STEEP1: variants seen among roughly 807,000 people sequenced by gnomAD.
The protein encoded by STEEP1 is STING1 ER exit protein 1.
STEEP1 carries 3 observed loss-of-function variants against 19.2 expected under a neutral mutation model. The ratio of observed to expected loss-of-function variants is 0.16; its 90% confidence interval spans 0.07 to 0.40. The LOEUF (loss-of-function observed/expected upper bound fraction) is 0.40, where lower values mean the gene tolerates loss of function less well. Ranked by LOEUF, STEEP1 falls within the 10% of genes least tolerant of loss-of-function variation. The pLI, the probability that STEEP1 is intolerant of heterozygous loss-of-function variation, is 0.99. For missense variants in STEEP1, 54 were observed against 177.1 expected (o/e 0.30, Z 3.94); for synonymous variants, 46 against 63.7 (o/e 0.72, Z 1.32).
intron 2 of STEEP1, among the ~76,000 whole-genome samples, chrX:119,555,536 T>A (rs930988674): frequency 9.0e-6 from 1 of 111,216 alleles, no homozygotes; most frequent in South Asian, 3.7e-4. Context: ...GGCATTGCTA[T>A]AAGTGATGAA....
Position 119,544,345 on chromosome X carries a change from G to A in STEEP1, c.423+8C>T, listed in dbSNP as rs776052173. The stretch of plus-strand genomic sequence containing the variant: ...ATATTAAGCAGTCTCTCCTTCAATG[G>A]TAATTACCTTCTTAGGAGGCTCTTG... On this transcript the variant is annotated splice_region_variant and intron_variant, in intron 4 of 6. Coordinates refer to ENST00000644802, the MANE Select transcript of STEEP1 (RefSeq NM_022101.4). 1 of 1,202,958 alleles carries A rather than the reference G, an allele frequency of 8.3e-7. No homozygotes were observed. Among genetic ancestry groups the A allele is most frequent in the South Asian group, 1.8e-5 (1 of 56,544 alleles).
chrX:119,555,433 C>T (rs2053272581), intron 2 of STEEP1, among the ~76,000 whole-genome samples: 1 of 110,740 alleles, frequency 9.0e-6, no homozygotes, highest in Admixed American at 9.8e-5. Flanking sequence ...GACTCCTCCC[C>T]ACTCAGAGCA....
chrX:119,559,020 C>T (rs751851526), intron 2 of STEEP1, among the ~76,000 whole-genome samples: 2 of 110,504 alleles, frequency 1.8e-5, no homozygotes, highest in Non-Finnish European at 3.8e-5. Context: ...AGTTCGAGAC[C>T]AGCCTGGCCA....
chrX:119,550,688 G>A lies in STEEP1; in HGVS notation c.243-5184C>T, dbSNP rs1171796213. Among the ~76,000 whole-genome samples the A allele has an allele frequency of 2.7e-5, 3 of 111,555 alleles. No individual in the cohort carries two copies. In the Admixed American group the frequency reaches 2.9e-4, roughly 11 times the overall value. On this transcript the variant is annotated intron_variant, in intron 2 of 6. Coordinates refer to ENST00000644802, the MANE Select transcript of STEEP1 (RefSeq NM_022101.4). Reference sequence around the variant, plus strand: ...CTTCTTTTATTTTTGAAACAGATTCGGGCTGTGTCACCCAGTCTGGAGTAC... The same window carrying A: ...CTTCTTTTATTTTTGAAACAGATTCAGGCTGTGTCACCCAGTCTGGAGTAC...
Position 119,565,395 on chromosome X carries a change from G to A in STEEP1, c.-40C>T, listed in dbSNP as rs1370449281. ...ATCTGAAAACTCTACGCCAAGAAGA[G>A]GGTCGCCCCGAAATGACGTCACGAG... is the stretch of plus-strand genomic sequence containing the variant. On this transcript the variant is annotated 5_prime_UTR_variant, in exon 1 of 7. Coordinates refer to ENST00000644802, the MANE Select transcript of STEEP1 (RefSeq NM_022101.4). 1 of 1,079,128 alleles carries A rather than the reference G, an allele frequency of 9.3e-7. No homozygotes were observed. The highest frequency in any genetic ancestry group is 2.3e-5 in the Admixed American group (1 of 43,002). The allele number at this position is 1,079,128 out of a possible 1,213,427, so 88.9% of individuals were successfully genotyped here.
chrX:119,545,431 T>C, intron 3 of STEEP1, 32 bp downstream of exon 3: 1 of 1,044,551 alleles, frequency 9.6e-7, no homozygotes, highest in Non-Finnish European at 1.3e-6. Context: ...TACTTGCCTA[T>C]GCTTGGAGAA....
chrX:119,559,392 T>C (rs747161227), intron 2 of STEEP1, among the ~76,000 whole-genome samples: 1 of 111,313 alleles, frequency 9.0e-6, no homozygotes, highest in South Asian at 3.8e-4. Flanking sequence ...GTTTGATGCT[T>C]TTAATGCTTC....
chrX:119,544,513 C>T (rs771839464), intron 3 of STEEP1, 22 bp from the exon 4 acceptor site: 1 of 1,200,831 alleles, frequency 8.3e-7, no homozygotes, highest in South Asian at 1.8e-5. Context: ...CAGTGAATTT[C>T]TGCGAGGTCT....
intron 6 of STEEP1, 55 bp downstream of exon 6, chrX:119,541,273 G>T: frequency 1.4e-6 from 1 of 712,270 alleles, no homozygotes; most frequent in Non-Finnish European, 2.2e-6. Context: ...AGGTCTTTCA[G>T]ACCAAGACAT....
chrX:119,560,420 T>C (rs1038901279), intron 1 of STEEP1, 35 bp from the exon 2 acceptor site: 3 of 981,294 alleles, frequency 3.1e-6, no homozygotes, highest in Admixed American at 4.5e-5. Flanking sequence ...ACTAGAGTCA[T>C]GGCAAAATAT....
At chrX:119,564,810 G>A (rs2053345958) in intron 1 of STEEP1, among the ~76,000 whole-genome samples, 1 of 111,221 alleles carries the variant, frequency 9.0e-6, no homozygotes, top group Non-Finnish European at 1.9e-5. Flanking sequence ...AACGAAATGG[G>A]GTTATAGCTG....
chrX:119,560,143 C>A (rs2053310977), intron 2 of STEEP1, 125 bp downstream of exon 2: 1 of 500,949 alleles, frequency 2.0e-6, no homozygotes, highest in East Asian at 3.4e-5. Flanking sequence ...AGTTAGAAAA[C>A]CACCACAAAT....
rs773119767 is a variant in STEEP1, at chrX:119,548,435, G to A, written c.243-2931C>T. 2.9e-5 allele frequency among the ~76,000 whole-genome samples: 3 copies of A among 105,166 alleles called. No homozygotes were observed. The South Asian group carries it at 1.3e-3, about 47-fold the overall frequency. The allele number at this position is 105,166 out of a possible 115,157, so 91.3% of individuals were successfully genotyped here. A position where few individuals can be genotyped will look rare whatever the true frequency, so the allele number is the denominator to read the frequency against. Reference sequence around the variant, plus strand: ...TGTAGTCCCAGCTACTAGGGAGGATGAGGCAGGGGAATCACTTGAACCCGG... The same window carrying A: ...TGTAGTCCCAGCTACTAGGGAGGATAAGGCAGGGGAATCACTTGAACCCGG... On this transcript the variant is annotated intron_variant, in intron 2 of 6. Coordinates refer to ENST00000644802, the MANE Select transcript of STEEP1 (RefSeq NM_022101.4).
At chrX:119,561,759 A>G (rs964725024) in intron 1 of STEEP1, among the ~76,000 whole-genome samples, 3 of 112,422 alleles carry the variant, frequency 2.7e-5, no homozygotes, top group African/African-American at 9.7e-5. Context: ...TGGTCAGAGT[A>G]ATTCAAGATG....
At chrX:119,542,055 CTTTTTTTTTTTTTTTTT>C (rs201339708) in intron 5 of STEEP1, among the ~76,000 whole-genome samples, 1 of 82,908 alleles carries the variant, frequency 1.2e-5, no homozygotes, top group Non-Finnish European at 2.3e-5. Context: ...CTTTTCTTTT[CTTTTTTTTTTTTTTTTT>C]TTTTTTTTTT....
rs745457369 is a variant in STEEP1 at position 119,547,286 on chromosome X, G to A, written c.243-1782C>T. On this transcript the variant is annotated intron_variant, in intron 2 of 6. Coordinates refer to ENST00000644802, the MANE Select transcript of STEEP1 (RefSeq NM_022101.4). Reference sequence around the variant, plus strand: ...ATAGATAAACCAAAATGTCTTTTACGTGTTGGACAAATTCCTAGAAGTGTG... The same window carrying A: ...ATAGATAAACCAAAATGTCTTTTACATGTTGGACAAATTCCTAGAAGTGTG... Among the ~76,000 whole-genome samples, 21 of 111,447 alleles carry A rather than the reference G, an allele frequency of 1.9e-4. No individual in the cohort carries two copies. In the South Asian group the frequency reaches 7.4e-3, roughly 39 times the overall value.
intron 2 of STEEP1, among the ~76,000 whole-genome samples, chrX:119,552,662 T>C (rs1240138328): frequency 8.9e-6 from 1 of 111,872 alleles, no homozygotes; most frequent in Non-Finnish European, 1.9e-5. Context: ...GACAACCATG[T>C]AGAAATGTGA....
intron 2 of STEEP1, among the ~76,000 whole-genome samples, chrX:119,557,264 C>T (rs1175509996): frequency 9.3e-6 from 1 of 107,684 alleles, no homozygotes; most frequent in Non-Finnish European, 1.9e-5. Flanking sequence ...GGATTCTTTG[C>T]TGTTTACTGG....
rs1177885205 is a variant in STEEP1, at chrX:119,538,419, A to AC, written c.*1307dup. On this transcript the variant is annotated 3_prime_UTR_variant, in exon 7 of 7. Coordinates refer to ENST00000644802, the MANE Select transcript of STEEP1 (RefSeq NM_022101.4). ...AGAGGGTAGCTCCCTCCCTTGGGTT[A>AC]CTTTTTTTTTTTTTTTTTTTTGTAG... is the stretch of plus-strand genomic sequence containing the variant. The AC allele has an allele frequency of 1.0e-5, 1 of 99,252 alleles. No homozygotes were observed. Among genetic ancestry groups the AC allele is most frequent in the Middle Eastern group, 4.8e-3 (1 of 209 alleles). 8.2% of individuals were successfully genotyped at this position (99,252 alleles called of 1,213,427 possible). A position where few individuals can be genotyped will look rare whatever the true frequency, so the allele number is the denominator to read the frequency against.
Sources: allele counts gnomAD v4.1 joint callset (sites outside exome capture counted in the v4.1 genomes callset), GRCh38; gene constraint gnomAD v4.1.1; transcripts MANE v1.5; gene names NCBI Gene and HGNC (gene_info 2026-07-23, HGNC 2026-07-21).